The following POFUT3 variants were observed in gnomAD, a reference collection of about 807,000 sequenced individuals.
POFUT3 encodes the protein GDP-fucose protein O-fucosyltransferase 3.
chr8:33,425,821 G>A, the POFUT3 span, among the ~76,000 whole-genome samples: 1 of 151,290 alleles, frequency 6.6e-6, no homozygotes, highest in Admixed American at 6.6e-5. Flanking sequence ...AGCTACTCAG[G>A]AGGCTGAGGC....
At chr8:33,348,850 A>T in the POFUT3 span, among the ~76,000 whole-genome samples, 11 of 152,228 alleles carry the variant, frequency 7.2e-5, no homozygotes, top group Non-Finnish European at 1.5e-4. Context: ...TGAGCCTAGG[A>T]ATTCAGACAA....
chr8:33,357,086 A>G, the POFUT3 span, among the ~76,000 whole-genome samples: 1 of 152,172 alleles, frequency 6.6e-6, no homozygotes, highest in Admixed American at 6.5e-5. Context: ...CTTATAGTAT[A>G]GTTTGACGTC....
chr8:33,461,829 C>T, the POFUT3 span: 1 of 406,984 alleles, frequency 2.5e-6, no homozygotes, highest in Non-Finnish European at 4.4e-6. Flanking sequence ...TAAAAGGAAA[C>T]ATTGAGATCA....
chr8:33,341,152 T>C, the POFUT3 span, among the ~76,000 whole-genome samples: 8 of 152,026 alleles, frequency 5.3e-5, no homozygotes, highest in Non-Finnish European at 7.4e-5. Flanking sequence ...AGAAAAATAT[T>C]TGGCGAGGCG....
chr8:33,393,013 C>G, the POFUT3 span, among the ~76,000 whole-genome samples: 1 of 151,984 alleles, frequency 6.6e-6, no homozygotes. Flanking sequence ...AAAAAAGAAC[C>G]ATGACCAACC....
At chr8:33,409,954 A>T in the POFUT3 span, among the ~76,000 whole-genome samples, 1 of 152,204 alleles carries the variant, frequency 6.6e-6, no homozygotes, top group African/African-American at 2.4e-5. Context: ...AAGACAAGAC[A>T]CACAGTAGAA....
the POFUT3 span, chr8:33,436,304 A>C: frequency 1.9e-5 from 26 of 1,339,722 alleles, no homozygotes; most frequent in Non-Finnish European, 2.8e-5. Flanking sequence ...CTGTGTTATC[A>C]AGGCCCTTGA....
chr8:33,437,501 G>C, the POFUT3 span, among the ~76,000 whole-genome samples: 1 of 152,102 alleles, frequency 6.6e-6, no homozygotes, highest in African/African-American at 2.4e-5. Context: ...TGATTAAATG[G>C]CTTCATCAGT....
chr8:33,326,694 C>G, the POFUT3 span, among the ~76,000 whole-genome samples: 1 of 152,142 alleles, frequency 6.6e-6, no homozygotes, highest in Non-Finnish European at 1.5e-5. Context: ...GCTTCCTTTG[C>G]CTGACTTTAG....
chr8:33,385,187 T>G, the POFUT3 span, among the ~76,000 whole-genome samples: 1 of 152,280 alleles, frequency 6.6e-6, no homozygotes, highest in Middle Eastern at 3.4e-3. Context: ...CGCTTGCTTA[T>G]TTTGTGGTTC....
the POFUT3 span, among the ~76,000 whole-genome samples, chr8:33,425,767 A>C: frequency 6.6e-6 from 1 of 151,926 alleles, no homozygotes; most frequent in Admixed American, 6.6e-5. Flanking sequence ...TACCAAAAAA[A>C]ATACAAAAAT....
the POFUT3 span, among the ~76,000 whole-genome samples, chr8:33,417,074 C>T: frequency 5.3e-5 from 8 of 152,184 alleles, no homozygotes; most frequent in East Asian, 7.7e-4. Flanking sequence ...CACTCCCCAG[C>T]GCTGGCATTA....
chr8:33,376,387 C>G, the POFUT3 span, among the ~76,000 whole-genome samples: 2 of 151,944 alleles, frequency 1.3e-5, no homozygotes, highest in Admixed American at 6.6e-5. Context: ...TTTAAAACTC[C>G]CATAGGAAAT....
the POFUT3 span, among the ~76,000 whole-genome samples, chr8:33,367,654 G>A: frequency 4.0e-5 from 6 of 151,898 alleles, no homozygotes; most frequent in African/African-American, 1.5e-4. Context: ...GCACTTAAAG[G>A]TCAAGATTTA....
chr8:33,469,475 GGA>G, the POFUT3 span, among the ~76,000 whole-genome samples: 82 of 152,146 alleles, frequency 5.4e-4, no homozygotes, highest in Non-Finnish European at 2.9e-4. Context: ...GCAAATTTCA[GGA>G]GAGACCAGTA....
the POFUT3 span, among the ~76,000 whole-genome samples, chr8:33,397,359 C>T: frequency 3.3e-5 from 5 of 152,174 alleles, no homozygotes; most frequent in African/African-American, 9.6e-5. Flanking sequence ...TCTGAGGCTC[C>T]GCTCTTGGGG....
the POFUT3 span, chr8:33,389,530 C>T: frequency 6.2e-7 from 1 of 1,614,192 alleles, no homozygotes; most frequent in Non-Finnish European, 8.5e-7. Context: ...ACTGTACATA[C>T]ACCAGCGGAG....
the POFUT3 span, chr8:33,388,872 T>G: frequency 2.0e-6 from 2 of 978,338 alleles, no homozygotes; most frequent in Non-Finnish European, 3.3e-6. Flanking sequence ...AGAACACTGA[T>G]GAGGTGGCAA....
At chr8:33,411,226 G>A in the POFUT3 span, among the ~76,000 whole-genome samples, 77 of 152,284 alleles carry the variant, frequency 5.1e-4, no homozygotes, top group African/African-American at 1.7e-3. Flanking sequence ...TGAATATTAA[G>A]ATCAAATAAC....
Sources: allele counts gnomAD v4.1 joint callset (sites outside exome capture counted in the v4.1 genomes callset), GRCh38; gene constraint gnomAD v4.1.1; transcripts MANE v1.5; gene names NCBI Gene and HGNC (gene_info 2026-07-23, HGNC 2026-07-21).